The following THSD7B variants were observed in gnomAD, a reference collection of about 807,000 sequenced individuals.
THSD7B encodes thrombospondin type 1 domain containing 7B, also known as thrombospondin type-1 domain-containing protein 7B.
In THSD7B, 138 loss-of-function variants were observed where a neutral mutation model predicts 213.6. That is an observed-to-expected ratio of 0.65 (90% confidence interval 0.56 to 0.74). The LOEUF (loss-of-function observed/expected upper bound fraction) is 0.74, where lower values mean the gene tolerates loss of function less well. THSD7B is among the 30% of genes least tolerant of loss of function. THSD7B has a pLI of 0.00. For synonymous variants in THSD7B, 742 were observed against 687.0 expected, an observed-to-expected ratio of 1.08 and a Z score of -1.25; for missense variants, 1,931 against 1,991.5, an observed-to-expected ratio of 0.97 and a Z score of 0.58.
chr2:137,456,387 G>A (rs533792421), intron 15 of THSD7B, among the ~76,000 whole-genome samples: 3 of 152,310 alleles, frequency 2.0e-5, no homozygotes, highest in African/African-American at 7.2e-5. Flanking sequence ...ATGTTGGGAT[G>A]TGAAAATAGG....
At chr2:137,635,189 G>C (rs185489682) in intron 20 of THSD7B, among the ~76,000 whole-genome samples, 2 of 152,272 alleles carry the variant, frequency 1.3e-5, no homozygotes, top group Admixed American at 1.3e-4. Flanking sequence ...TTTATAGGGA[G>C]TGTCTTTCTC....
intron 3 of THSD7B, among the ~76,000 whole-genome samples, chr2:137,094,376 G>C (rs1688001407): frequency 6.6e-6 from 1 of 152,202 alleles, no homozygotes; most frequent in Non-Finnish European, 1.5e-5. Context: ...TTCAAGACCA[G>C]CTTGTCCAAC....
intron 2 of THSD7B, among the ~76,000 whole-genome samples, chr2:136,950,639 T>G (rs190358293): frequency 9.5e-4 from 145 of 152,332 alleles, no homozygotes; most frequent in African/African-American, 3.4e-3. Flanking sequence ...TTAATTAATT[T>G]GTAAAATTAC....
At chr2:137,668,724 C>T (rs569725160) in intron 27 of THSD7B, among the ~76,000 whole-genome samples, 7 of 151,870 alleles carry the variant, frequency 4.6e-5, no homozygotes, top group East Asian at 1.9e-4. Context: ...AGTCAAATAA[C>T]GCATATTTTG....
At chr2:137,553,132 G>A (rs181835950) in intron 15 of THSD7B, among the ~76,000 whole-genome samples, 1 of 152,090 alleles carries the variant, frequency 6.6e-6, no homozygotes, top group Non-Finnish European at 1.5e-5. Context: ...AGGATCTCTG[G>A]TCCCAGATGG....
At chr2:137,435,901 G>A (rs1432764558) in intron 14 of THSD7B, among the ~76,000 whole-genome samples, 1 of 152,034 alleles carries the variant, frequency 6.6e-6, no homozygotes, top group Non-Finnish European at 1.5e-5. Flanking sequence ...TAACTTTCCA[G>A]TTCCTTCCAT....
At chr2:137,053,101 C>G (rs2104873324) in intron 2 of THSD7B, among the ~76,000 whole-genome samples, 1 of 152,200 alleles carries the variant, frequency 6.6e-6, no homozygotes, top group East Asian at 1.9e-4. Context: ...CCTAAATTTC[C>G]AGGCCAAGGA....
chr2:137,109,058 C>T (rs1245039425), intron 4 of THSD7B, among the ~76,000 whole-genome samples: 1 of 152,140 alleles, frequency 6.6e-6, no homozygotes, highest in Non-Finnish European at 1.5e-5. Flanking sequence ...TTGTCTCCAC[C>T]TTCAAAATAT....
intron 1 of THSD7B, among the ~76,000 whole-genome samples, chr2:136,838,297 A>G (rs1284698935): frequency 2.0e-5 from 3 of 152,024 alleles, no homozygotes; most frequent in Non-Finnish European, 2.9e-5. Context: ...GGAGGAGGGG[A>G]GAGTTTGCTT....
At chr2:137,384,927 G>A (rs1685858025) in intron 12 of THSD7B, among the ~76,000 whole-genome samples, 1 of 152,104 alleles carries the variant, frequency 6.6e-6, no homozygotes. Context: ...GATGGGGTGG[G>A]ATGAGGCACC....
At chr2:137,484,235 T>C (rs1356269768) in intron 15 of THSD7B, among the ~76,000 whole-genome samples, 2 of 149,346 alleles carry the variant, frequency 1.3e-5, no homozygotes, top group Non-Finnish European at 3.0e-5. Context: ...GTGTTCTTAT[T>C]GTTCAATTCC....
At chr2:137,661,946 A>T (rs1024906464) in intron 25 of THSD7B, among the ~76,000 whole-genome samples, 1 of 152,054 alleles carries the variant, frequency 6.6e-6, no homozygotes, top group Non-Finnish European at 1.5e-5. Flanking sequence ...GGAAGATCAT[A>T]TACCAGTTAA....
intron 10 of THSD7B, among the ~76,000 whole-genome samples, chr2:137,244,788 A>G (rs1045284042): frequency 6.6e-6 from 1 of 152,086 alleles, no homozygotes; most frequent in Admixed American, 6.6e-5. Context: ...AATCCTATTT[A>G]CCCTAATTTT....
chr2:137,464,879 G>T (rs1373477535), intron 15 of THSD7B, among the ~76,000 whole-genome samples: 1 of 151,996 alleles, frequency 6.6e-6, no homozygotes, highest in African/African-American at 2.4e-5. Flanking sequence ...GATTAGATAT[G>T]TATGTTCAGT....
At chr2:137,461,549 A>G (rs1001569214) in intron 15 of THSD7B, among the ~76,000 whole-genome samples, 1 of 151,938 alleles carries the variant, frequency 6.6e-6, no homozygotes, top group Non-Finnish European at 1.5e-5. Flanking sequence ...CAAAATAACC[A>G]TCATAACCAT....
chr2:137,492,776 C>T (rs1261378660), intron 15 of THSD7B, among the ~76,000 whole-genome samples: 2 of 152,094 alleles, frequency 1.3e-5, no homozygotes, highest in East Asian at 3.9e-4. Context: ...AACACAAGAA[C>T]TTAGCACTTA....
chr2:136,871,518 A>T (rs534204100), intron 1 of THSD7B, among the ~76,000 whole-genome samples: 2 of 152,174 alleles, frequency 1.3e-5, no homozygotes, highest in African/African-American at 4.8e-5. Flanking sequence ...ATGAAGAAAG[A>T]GGGAGTAAGG....
intron 2 of THSD7B, among the ~76,000 whole-genome samples, chr2:136,947,760 C>T (rs1684969482): frequency 6.6e-6 from 1 of 152,166 alleles, no homozygotes; most frequent in Non-Finnish European, 1.5e-5. Flanking sequence ...GTAGGATTTC[C>T]ATAGATTATG....
intron 1 of THSD7B, among the ~76,000 whole-genome samples, chr2:136,826,358 G>A (rs1682646311): frequency 6.6e-6 from 1 of 152,216 alleles, no homozygotes; most frequent in Non-Finnish European, 1.5e-5. Context: ...TAAGCACCTT[G>A]AAGGAGGTAA....
Sources: gnomAD v4.1 joint callset for allele counts (sites outside exome capture counted in the v4.1 genomes callset) on GRCh38, gnomAD v4.1.1 for gene constraint, MANE v1.5 for transcripts, NCBI Gene and HGNC (gene_info 2026-07-23, HGNC 2026-07-21) for gene names.